The following PTGER3 variants were observed in gnomAD, a reference collection of about 807,000 sequenced individuals.
PTGER3 encodes the protein prostaglandin E2 receptor EP3 subtype.
Under a neutral mutation model 34.7 loss-of-function variants are expected in PTGER3, and 22 were observed. The ratio of observed to expected loss-of-function variants is 0.63; its 90% CI spans 0.45 to 0.91. The LOEUF is 0.91. Among genes scored for constraint, PTGER3 ranks in the 40% least tolerant of loss-of-function variants. The probability of loss-of-function intolerance (pLI) is 0.00; values close to 1 mark genes in which losing one functional copy is unlikely to be tolerated. For synonymous variants in PTGER3, 241 were observed against 230.1 expected (o/e 1.05, Z -0.43); for missense variants, 468 against 519.4 (o/e 0.90, Z 0.96).
At chr1:70,903,242 C>A (rs1314092903) in intron 4 of PTGER3, among the ~76,000 whole-genome samples, 1 of 152,132 alleles carries the variant, frequency 6.6e-6, no homozygotes, top group Admixed American at 6.6e-5. Flanking sequence ...GATGTGACCC[C>A]CACTGTCACC....
downstream of PTGER3, among the ~76,000 whole-genome samples, chr1:70,965,874 G>A (rs753231296): frequency 6.6e-6 from 1 of 152,112 alleles, no homozygotes; most frequent in Admixed American, 6.6e-5. Context: ...TCAGGTTTTT[G>A]ATATGTACTT....
At chr1:71,006,478 C>A in intron 2 of PTGER3, 2 of 985,370 alleles carry the variant, frequency 2.0e-6, no homozygotes, top group Non-Finnish European at 2.4e-6. Context: ...GTACTATGAG[C>A]AAGGACAATT....
intron 1 of PTGER3, among the ~76,000 whole-genome samples, chr1:71,022,448 T>A (rs576842364): frequency 6.6e-6 from 1 of 151,952 alleles, no homozygotes; most frequent in African/African-American, 2.4e-5. Flanking sequence ...AATCCCTTCC[T>A]GTGACATAGT....
intron 2 of PTGER3, among the ~76,000 whole-genome samples, chr1:70,957,356 A>G (rs1572756322): frequency 6.6e-6 from 1 of 152,312 alleles, no homozygotes; most frequent in East Asian, 1.9e-4. Flanking sequence ...CATTCCTACA[A>G]CATTTCATCC....
intron 2 of PTGER3, among the ~76,000 whole-genome samples, chr1:70,979,304 GAA>G (rs33963138): frequency 7.1e-6 from 1 of 141,102 alleles, no homozygotes; most frequent in Admixed American, 7.1e-5. Flanking sequence ...TTTTATAGGT[GAA>G]AAAAAAAAAA....
At chr1:71,010,812 C>T (rs1657373198) in intron 2 of PTGER3, 1 of 984,778 alleles carries the variant, frequency 1.0e-6, no homozygotes, top group African/African-American at 1.7e-5. Flanking sequence ...AAATAATTAG[C>T]CCCAATTGAC....
intron 1 of PTGER3, among the ~76,000 whole-genome samples, chr1:71,023,740 G>A (rs907133020): frequency 5.3e-5 from 8 of 151,504 alleles, no homozygotes; most frequent in Admixed American, 6.6e-5. Context: ...CTTTCTCTAC[G>A]TCTCTCTGTC....
downstream of PTGER3, among the ~76,000 whole-genome samples, chr1:70,952,070 G>A (rs545414224): frequency 3.9e-5 from 6 of 152,222 alleles, no homozygotes; most frequent in South Asian, 1.2e-3. Context: ...GCTGAGTAAT[G>A]AGTGGGCTGG....
At chr1:71,023,365 G>T (rs535221842) in intron 1 of PTGER3, among the ~76,000 whole-genome samples, 5 of 151,822 alleles carry the variant, frequency 3.3e-5, no homozygotes, top group Admixed American at 3.3e-4. Context: ...GTATTCCTCT[G>T]CAGTCCCCTT....
At chr1:70,932,473 G>C (rs1353873130) in intron 4 of PTGER3, among the ~76,000 whole-genome samples, 1 of 152,032 alleles carries the variant, frequency 6.6e-6, no homozygotes, top group African/African-American at 2.4e-5. Flanking sequence ...AGACTGGGAA[G>C]AAAAAGAGGC....
At chr1:70,995,624 CAT>C (rs1422547050) in intron 2 of PTGER3, among the ~76,000 whole-genome samples, 2 of 151,956 alleles carry the variant, frequency 1.3e-5, no homozygotes, top group African/African-American at 4.8e-5. Context: ...ATAGTAATAA[CAT>C]GATGTTTTGA....
chr1:71,024,107 G>A (rs1658669406), intron 1 of PTGER3, among the ~76,000 whole-genome samples: 1 of 152,086 alleles, frequency 6.6e-6, no homozygotes. Flanking sequence ...TACCTGTTGT[G>A]TTCTCTAGCC....
At chr1:70,966,015 G>T (rs193016129), downstream of PTGER3, among the ~76,000 whole-genome samples, 275 of 152,232 alleles carry the variant, frequency 1.8e-3, no homozygotes, top group Admixed American at 3.5e-3. Context: ...GCCATAATTA[G>T]CAATCACCAA....
At chr1:71,001,821 C>T (rs552367402) in intron 2 of PTGER3, among the ~76,000 whole-genome samples, 2 of 152,194 alleles carry the variant, frequency 1.3e-5, no homozygotes, top group Admixed American at 6.5e-5. Flanking sequence ...CTTGTGTGTT[C>T]TGGTGAATGT....
intron 1 of PTGER3, among the ~76,000 whole-genome samples, chr1:71,036,633 G>T (rs532513348): frequency 1.2e-3 from 181 of 152,262 alleles, no homozygotes; most frequent in African/African-American, 4.1e-3. Context: ...AAGGTCAGGA[G>T]ATCGAGACCA....
intron 2 of PTGER3, among the ~76,000 whole-genome samples, chr1:70,990,282 G>A (rs1001729003): frequency 1.1e-4 from 17 of 150,322 alleles, no homozygotes; most frequent in African/African-American, 2.9e-4. Context: ...ACTTGAACCC[G>A]GGAGACGGAG....
chr1:71,010,069 TC>T lies in PTGER3; in HGVS notation c.1077+2235del, dbSNP rs927028093. On this transcript the variant is annotated intron_variant, in intron 2 of 3. Transcript: ENST00000306666. ...AAAAAAACACAAAAGCTGCCATTCA[TC>T]CCCTCCTAAAATATATCCCCTGGGC... The T allele has an allele frequency of 5.7e-5, 56 of 985,180 alleles. No individual in the cohort carries two copies. The African/African-American group carries it at 8.6e-4, about 15-fold the overall frequency. The allele number at this position is 985,180 out of a possible 1,614,324, so 61.0% of individuals were successfully genotyped here.
At chr1:70,954,640 C>A (rs1163264068) in intron 2 of PTGER3, among the ~76,000 whole-genome samples, 1 of 152,060 alleles carries the variant, frequency 6.6e-6, no homozygotes, top group Non-Finnish European at 1.5e-5. Flanking sequence ...AAAACCAGTA[C>A]CTCTGATTTC....
chr1:71,016,352 T>G, intron 1 of PTGER3, among the ~76,000 whole-genome samples: 1 of 152,318 alleles, frequency 6.6e-6, no homozygotes, highest in Non-Finnish European at 1.5e-5. Context: ...TCACAAATAG[T>G]ATATATAAGT....
Sources: allele counts gnomAD v4.1 joint callset (sites outside exome capture counted in the v4.1 genomes callset), GRCh38; gene constraint gnomAD v4.1.1; transcripts MANE v1.5; gene names NCBI Gene and HGNC (gene_info 2026-07-23, HGNC 2026-07-21).